Variants in CDC25C observed in about 807,000 individuals in gnomAD.
CDC25C encodes the protein M-phase inducer phosphatase 3.
Under a neutral mutation model 52.5 loss-of-function variants are expected in CDC25C, and 48 were observed. That is an observed-to-expected ratio of 0.91 (90% CI 0.72 to 1.16). CDC25C has a LOEUF of 1.16. Among genes scored for constraint, CDC25C ranks in the 50% most tolerant of loss-of-function variants. The pLI, the probability that CDC25C is intolerant of heterozygous loss-of-function variation, is 0.00. For synonymous variants in CDC25C, 187 were observed against 206.5 expected (o/e 0.91, Z 0.81); for missense variants, 510 against 566.1 (o/e 0.90, Z 1.01).
chr5:138,292,480 CAAA>C (rs70982703), intron 7 of CDC25C, among the ~76,000 whole-genome samples: 1 of 63,510 alleles, frequency 1.6e-5, no homozygotes. Context: ...GTTATGTGAC[CAAA>C]AAAAAAAAAA....
chr5:138,313,005 G>A (rs889169012), intron 7 of CDC25C, among the ~76,000 whole-genome samples: 1 of 152,048 alleles, frequency 6.6e-6, no homozygotes, highest in African/African-American at 2.4e-5. Flanking sequence ...AACTCATAGA[G>A]GGCAGAAAAT....
intron 7 of CDC25C, among the ~76,000 whole-genome samples, chr5:138,318,551 TA>T (rs1759086067): frequency 6.6e-6 from 1 of 151,916 alleles, no homozygotes; most frequent in Non-Finnish European, 1.5e-5. Context: ...CTGTCTCTAC[TA>T]AAAATACTAA....
Position 138,285,698 on chromosome 5 carries a change from G to A in CDC25C, c.1416C>T (p.Ser472=), listed in dbSNP as rs114497341. The part of the protein sequence containing the change: ...EQIALLVKDM[S]P ...GCCAGTGGCTGGAATGTTATCATGG[G>A]CTCATGTCCTTCACCAGAAGGGCAA... Residue 472 remains serine, a synonymous_variant, in exon 14 of 14, where the codon AGC becomes AGT. Transcript: ENST00000323760. The A allele has an allele frequency of 3.4e-4, 550 of 1,613,828 alleles. 2 individuals carry two copies. In the African/African-American group the frequency reaches 7.0e-3, roughly 21 times the overall value.
chr5:138,306,372 A>C (rs555182654), intron 7 of CDC25C, among the ~76,000 whole-genome samples: 124 of 152,290 alleles, frequency 8.1e-4, no homozygotes, highest in African/African-American at 2.8e-3. Flanking sequence ...TACTCAATAA[A>C]TATTTTTTAA....
At chr5:138,285,886 CTCTACCTATGAAGGA>C in intron 13 of CDC25C, 45 bp from the exon 14 acceptor site, 1 of 1,603,938 alleles carries the variant, frequency 6.2e-7, no homozygotes, top group Non-Finnish European at 8.5e-7. Context: ...GACTCCTGAA[CTCTACCTATGAAGGA>C]TAATAGAGAT....
At chr5:138,308,614 C>A (rs1408054952) in intron 7 of CDC25C, among the ~76,000 whole-genome samples, 1 of 152,110 alleles carries the variant, frequency 6.6e-6, no homozygotes, top group Non-Finnish European at 1.5e-5. Flanking sequence ...CCATTATCAG[C>A]AAGTCCTCAA....
chr5:138,331,815 G>T, upstream of CDC25C: 2 of 969,054 alleles, frequency 2.1e-6, no homozygotes, highest in South Asian at 4.7e-5. Flanking sequence ...ATCAACAGCC[G>T]CAGGCGTTGA....
intron 2 of CDC25C, among the ~76,000 whole-genome samples, chr5:138,330,428 T>C (rs1760271194): frequency 6.6e-6 from 1 of 152,216 alleles, no homozygotes; most frequent in African/African-American, 2.4e-5. Flanking sequence ...ATGCAGCGGT[T>C]TTCAAAGACT....
chr5:138,323,891 G>A (rs112384526), intron 6 of CDC25C, among the ~76,000 whole-genome samples: 3 of 150,876 alleles, frequency 2.0e-5, no homozygotes, highest in Non-Finnish European at 2.9e-5. Context: ...CCGGGAGGCA[G>A]AGGTTGCAGT....
chr5:138,313,995 C>CTTTCTTTTTTTTTT (rs1554117939), intron 7 of CDC25C, among the ~76,000 whole-genome samples: 2 of 112,676 alleles, frequency 1.8e-5, no homozygotes, highest in Admixed American at 2.0e-4. Flanking sequence ...TTCTTTCTTT[C>CTTTCTTTTTTTTTT]TTTTTTTTTT....
intron 6 of CDC25C, among the ~76,000 whole-genome samples, chr5:138,320,208 G>T (rs1299550934): frequency 2.0e-5 from 3 of 152,052 alleles, no homozygotes; most frequent in African/African-American, 7.2e-5. Flanking sequence ...GGGAGGCTGA[G>T]GCAGGAGAAC....
At chr5:138,297,738 A>G (rs1757321725) in intron 7 of CDC25C, among the ~76,000 whole-genome samples, 1 of 152,234 alleles carries the variant, frequency 6.6e-6, no homozygotes, top group African/African-American at 2.4e-5. Flanking sequence ...ACAAAGAAGT[A>G]GACTAATAAA....
At chr5:138,327,031 C>T (rs1418933396) in intron 4 of CDC25C, among the ~76,000 whole-genome samples, 3 of 146,424 alleles carry the variant, frequency 2.0e-5, no homozygotes, top group Non-Finnish European at 3.0e-5. Flanking sequence ...CCAAGGCGGG[C>T]GGATCACGAG....
rs1760392858 is a variant in CDC25C, at chr5:138,331,638, T to G, written c.-82A>C. ...GGCTTGCCTACAAGAGGAGAGAAAG[T>G]AGATAGGGATCGGACACAGGCGAAG... On this transcript the variant is annotated 5_prime_UTR_variant, in exon 1 of 14. Transcript: ENST00000323760. 3.0e-6 allele frequency: 3 copies of G among 1,003,602 alleles called. No individual in the cohort carries two copies. The Admixed American group carries it at 1.6e-4, about 53-fold the overall frequency. The allele number at this position is 1,003,602 out of a possible 1,614,324, so 62.2% of individuals were successfully genotyped here.
Position 138,331,060 on chromosome 5 carries a change from C to A in CDC25C, c.121G>T (p.Val41Phe). The stretch of plus-strand genomic sequence containing the variant: ...GGAGTTCTAGGGACATCTGGACAGA[C>A]GGTAAAGGAAGTGTCTCTCTCCAGG... Reference protein sequence around the residue: ...LLLERDTSFTVCPDVPRTPVG... With the variant: ...LLLERDTSFTFCPDVPRTPVG... Residue 41 changes from valine to phenylalanine, a missense_variant, in exon 2 of 14, where the codon GTC (valine) becomes TTC (phenylalanine). Coordinates refer to ENST00000323760, the MANE Select transcript of CDC25C (RefSeq NM_001790.5). 1 of 1,614,130 alleles carries A rather than the reference C, an allele frequency of 6.2e-7. No homozygotes were observed. The highest frequency in any genetic ancestry group is 8.5e-7 in the Non-Finnish European group (1 of 1,179,988).
intron 7 of CDC25C, among the ~76,000 whole-genome samples, chr5:138,305,240 C>T (rs1008162278): frequency 1.3e-5 from 2 of 152,112 alleles, no homozygotes; most frequent in Non-Finnish European, 2.9e-5. Flanking sequence ...CATTCTAGTC[C>T]CAGGCAAACA....
chr5:138,334,084 C>T (rs971326750), upstream of CDC25C, among the ~76,000 whole-genome samples: 1 of 152,088 alleles, frequency 6.6e-6, no homozygotes, highest in Admixed American at 6.5e-5. Context: ...CAGGTGCCCG[C>T]CACCACGCCT....
intron 7 of CDC25C, among the ~76,000 whole-genome samples, chr5:138,293,504 T>A (rs932022274): frequency 5.3e-5 from 8 of 152,152 alleles, no homozygotes; most frequent in Admixed American, 5.2e-4. Flanking sequence ...CAGACAGGAC[T>A]TCATATAACT....
intron 7 of CDC25C, among the ~76,000 whole-genome samples, chr5:138,300,667 A>C (rs1182510623): frequency 6.6e-6 from 1 of 152,208 alleles, no homozygotes; most frequent in East Asian, 1.9e-4. Context: ...AGAATATTCT[A>C]CTCAAGAATA....
Sources: allele counts gnomAD v4.1 joint callset (sites outside exome capture counted in the v4.1 genomes callset), GRCh38; gene constraint gnomAD v4.1.1; transcripts MANE v1.5; gene names NCBI Gene and HGNC (gene_info 2026-07-23, HGNC 2026-07-21).